Variants in RBFOX1 observed in about 807,000 individuals in gnomAD.
RBFOX1 encodes the protein RNA binding fox-1 homolog 1.
A neutral mutation model predicts 57.7 loss-of-function variants in RBFOX1; 8 were observed. The observed-to-expected ratio is 0.14, with a 90% CI of 0.08 to 0.25. The LOEUF (loss-of-function observed/expected upper bound fraction) is 0.25. Ranked by LOEUF, RBFOX1 falls within the 10% of genes least tolerant of loss-of-function variation. RBFOX1 has a pLI of 1.00. For missense variants in RBFOX1, 611 were observed against 548.5 expected, an observed-to-expected ratio of 1.11 and a Z score of -1.14; for synonymous variants, 326 against 222.4, an observed-to-expected ratio of 1.47 and a Z score of -4.15.
At chr16:7,120,325 G>T (rs2066834651) in intron 4 of RBFOX1, among the ~76,000 whole-genome samples, 1 of 140,280 alleles carries the variant, frequency 7.1e-6, no homozygotes. Flanking sequence ...GAGAAAGAAG[G>T]GAATAGTAAA....
At chr16:7,281,849 T>A (rs1191212284) in intron 4 of RBFOX1, among the ~76,000 whole-genome samples, 1 of 151,692 alleles carries the variant, frequency 6.6e-6, no homozygotes, top group Non-Finnish European at 1.5e-5. Flanking sequence ...TCCTTTCTTT[T>A]CTTTTCCTTT....
At chr16:7,488,724 A>T (rs930016800) in intron 4 of RBFOX1, among the ~76,000 whole-genome samples, 1 of 152,098 alleles carries the variant, frequency 6.6e-6, no homozygotes, top group Admixed American at 6.5e-5. Flanking sequence ...CTATACATTC[A>T]TCTATTATCC....
At chr16:7,581,251 A>C (rs546963600) in intron 6 of RBFOX1, among the ~76,000 whole-genome samples, 2 of 152,132 alleles carry the variant, frequency 1.3e-5, no homozygotes, top group Admixed American at 1.3e-4. Flanking sequence ...GAGCCTTCCA[A>C]CTCCTGCAGA....
At chr16:6,405,848 T>C (rs1229373311) in intron 2 of RBFOX1, among the ~76,000 whole-genome samples, 4 of 152,200 alleles carry the variant, frequency 2.6e-5, no homozygotes, top group Admixed American at 6.5e-5. Flanking sequence ...TCATAAAATA[T>C]TGAGGGAGAA....
chr16:5,430,496 G>T (rs1463542938), intron 1 of RBFOX1, among the ~76,000 whole-genome samples: 1 of 152,150 alleles, frequency 6.6e-6, no homozygotes, highest in Non-Finnish European at 1.5e-5. Flanking sequence ...GGAGGCGTTG[G>T]GGTTGGGGAA....
At chr16:7,230,684 G>A in intron 4 of RBFOX1, among the ~76,000 whole-genome samples, 1 of 152,152 alleles carries the variant, frequency 6.6e-6, no homozygotes, top group East Asian at 1.9e-4. Context: ...AAATATAGAA[G>A]GGGAGAGCCA....
chr16:6,400,926 G>A (rs1371415363), intron 2 of RBFOX1, among the ~76,000 whole-genome samples: 1 of 152,024 alleles, frequency 6.6e-6, no homozygotes, highest in Non-Finnish European at 1.5e-5. Context: ...AGTACCTGAT[G>A]GTGTTGGATT....
Position 6,833,189 on chromosome 16 carries a change from G to A in RBFOX1, c.-16+178539G>A, listed in dbSNP as rs142211857. 7.3e-5 allele frequency among the ~76,000 whole-genome samples: 11 copies of A among 150,590 alleles called. No individual in the cohort carries two copies. The East Asian group carries it at 1.8e-3, about 24-fold the overall frequency. On this transcript the variant is annotated intron_variant, in intron 3 of 15. Transcript: ENST00000550418. ...TTTTTATTTATTTATTTACTGAGAC[G>A]GGGTCTTTTTCTGTCACCCAGGGTG...
chr16:5,611,698 C>A (rs1230891285), intron 3 of RBFOX1, among the ~76,000 whole-genome samples: 2 of 151,676 alleles, frequency 1.3e-5, no homozygotes, highest in African/African-American at 4.8e-5. Context: ...ACTCCCCCAC[C>A]CACTCTCCCA....
At chr16:6,451,223 G>T (rs2094615066) in intron 2 of RBFOX1, among the ~76,000 whole-genome samples, 2 of 152,034 alleles carry the variant, frequency 1.3e-5, no homozygotes, top group African/African-American at 4.8e-5. Flanking sequence ...AAAATAGCAT[G>T]TTCTGAGGTA....
At chr16:6,803,416 A>T (rs911569015) in intron 3 of RBFOX1, among the ~76,000 whole-genome samples, 2 of 152,168 alleles carry the variant, frequency 1.3e-5, no homozygotes. Flanking sequence ...TGAAGGGAGA[A>T]AGTGAGAGTG....
intron 1 of RBFOX1, among the ~76,000 whole-genome samples, chr16:6,079,521 G>A (rs2095966078): frequency 6.6e-6 from 1 of 152,176 alleles, no homozygotes; most frequent in Non-Finnish European, 1.5e-5. Context: ...ATGAGGTCTT[G>A]CTGTGTTGTC....
At chr16:5,763,171 A>T (rs963916247) in intron 3 of RBFOX1, among the ~76,000 whole-genome samples, 1 of 152,224 alleles carries the variant, frequency 6.6e-6, no homozygotes, top group East Asian at 1.9e-4. Context: ...TTAGAAGTCC[A>T]TCGTGATTTG....
intron 4 of RBFOX1, among the ~76,000 whole-genome samples, chr16:5,893,236 A>C (rs2058087031): frequency 6.6e-6 from 1 of 152,160 alleles, no homozygotes; most frequent in Admixed American, 6.5e-5. Context: ...ATAATTTTGC[A>C]CTCTGGTTTT....
rs375214396 is a variant in RBFOX1, at chr16:6,110,512, T to C, written c.-127+90520T>C. ...CAGTCATTTGTGAAATGATGTGGAC[T>C]TAATGGCAGATTAAAACAACTACCC... is the stretch of plus-strand genomic sequence containing the variant. On this transcript the variant is annotated intron_variant, in intron 1 of 15. Transcript: ENST00000550418. 3.9e-5 allele frequency among the ~76,000 whole-genome samples: 6 copies of C among 152,300 alleles called. 2 individuals are homozygous for C. The highest frequency in any genetic ancestry group is 1.3e-4 in the Admixed American group (2 of 15,294).
At chr16:6,508,179 C>T (rs1261392868) in intron 2 of RBFOX1, among the ~76,000 whole-genome samples, 1 of 152,050 alleles carries the variant, frequency 6.6e-6, no homozygotes, top group Non-Finnish European at 1.5e-5. Flanking sequence ...CGCATGGACA[C>T]ATAGAGTGAA....
chr16:6,960,096 C>G (rs966542106), intron 3 of RBFOX1, among the ~76,000 whole-genome samples: 25 of 152,082 alleles, frequency 1.6e-4, no homozygotes, highest in African/African-American at 5.6e-4. Context: ...TAGGATTAAA[C>G]AAGTGTATTG....
chr16:6,864,367 C>T (rs574680769), intron 3 of RBFOX1, among the ~76,000 whole-genome samples: 34 of 152,096 alleles, frequency 2.2e-4, no homozygotes, highest in Admixed American at 4.6e-4. Context: ...TTTCAGACTG[C>T]AATAAAGGAA....
intron 2 of RBFOX1, chr16:6,576,997 T>G (rs1323449043): frequency 6.6e-6 from 1 of 152,232 alleles, no homozygotes; most frequent in Non-Finnish European, 1.5e-5. Context: ...TGTGACCGAA[T>G]TCTGCCCAGT....
Sources: gnomAD v4.1 joint callset for allele counts (sites outside exome capture counted in the v4.1 genomes callset) on GRCh38, gnomAD v4.1.1 for gene constraint, MANE v1.5 for transcripts, NCBI Gene and HGNC (gene_info 2026-07-23, HGNC 2026-07-21) for gene names.